DAB1: variants seen among roughly 807,000 people sequenced by gnomAD.
DAB1 encodes disabled homolog 1.
In DAB1, 15 loss-of-function variants were observed where a neutral mutation model predicts 64.6. That is an observed-to-expected ratio of 0.23 (90% CI 0.16 to 0.36). The LOEUF (loss-of-function observed/expected upper bound fraction) is 0.36. DAB1 is among the 10% of genes least tolerant of loss of function. The pLI, the probability that DAB1 is intolerant of heterozygous loss-of-function variation, is 1.00. For synonymous variants in DAB1, 235 were observed against 251.9 expected, an observed-to-expected ratio of 0.93 and a Z score of 0.64; for missense variants, 596 against 706.7, an observed-to-expected ratio of 0.84 and a Z score of 1.78.
intron 7 of DAB1, among the ~76,000 whole-genome samples, chr1:57,544,096 G>C (rs1412230680): frequency 6.6e-6 from 1 of 152,184 alleles, no homozygotes; most frequent in Non-Finnish European, 1.5e-5. Flanking sequence ...CTGGGCAACA[G>C]AGCAAGACTT....
chr1:57,071,462 T>G (rs1651451290), intron 6 of DAB1, 60 bp downstream of exon 6: 1 of 1,574,548 alleles, frequency 6.4e-7, no homozygotes, highest in African/African-American at 1.4e-5. Context: ...GACTGTCAGT[T>G]TTTACATGTG....
intron 5 of DAB1, among the ~76,000 whole-genome samples, chr1:57,987,233 A>G (rs1646240662): frequency 1.3e-5 from 2 of 152,210 alleles, no homozygotes; most frequent in Admixed American, 1.3e-4. Flanking sequence ...AGCTCCCTGC[A>G]CAGCATCAGC....
chr1:57,256,013 A>G (rs773155338), intron 2 of DAB1, among the ~76,000 whole-genome samples: 3 of 152,188 alleles, frequency 2.0e-5, no homozygotes, highest in Non-Finnish European at 2.9e-5. Context: ...ATTCCACAAA[A>G]ATCAAGGAAC....
chr1:57,457,276 C>A (rs576287895), intron 7 of DAB1, among the ~76,000 whole-genome samples: 1 of 152,118 alleles, frequency 6.6e-6, no homozygotes, highest in Non-Finnish European at 1.5e-5. Context: ...GTGCACCAAC[C>A]TGTCATCTAG....
intron 5 of DAB1, among the ~76,000 whole-genome samples, chr1:58,016,644 C>T (rs2802896): frequency 0.62 from 94,080 of 151,872 alleles, 29,800 homozygotes; most frequent in East Asian, 0.98. Context: ...TCACCTTGAG[C>T]TGCTCAAACT....
intron 6 of DAB1, among the ~76,000 whole-genome samples, chr1:57,712,315 C>T (rs1246249413): frequency 6.6e-6 from 1 of 152,116 alleles, no homozygotes; most frequent in Admixed American, 6.5e-5. Flanking sequence ...TAATTTTATT[C>T]CAAATAGCTA....
At chr1:57,355,918 AC>A (rs1230283995) in intron 1 of DAB1, among the ~76,000 whole-genome samples, 1 of 147,568 alleles carries the variant, frequency 6.8e-6, no homozygotes, top group African/African-American at 2.5e-5. Flanking sequence ...ACACACACAC[AC>A]AAAATGTCCT....
At chr1:57,515,063 G>T (rs1297927869) in intron 7 of DAB1, among the ~76,000 whole-genome samples, 1 of 151,582 alleles carries the variant, frequency 6.6e-6, no homozygotes, top group Non-Finnish European at 1.5e-5. Flanking sequence ...TCTCTCTTTA[G>T]GCACCTAGAA....
chr1:57,998,697 T>G (rs147076586), intron 5 of DAB1, among the ~76,000 whole-genome samples: 3,016 of 152,178 alleles, frequency 0.02, 69 homozygotes, highest in African/African-American at 0.049. Context: ...CTTTCTAGAG[T>G]AGTTTGAGGA....
At chr1:57,358,852 A>C (rs1418765005) in intron 1 of DAB1, among the ~76,000 whole-genome samples, 1 of 152,102 alleles carries the variant, frequency 6.6e-6, no homozygotes, top group Non-Finnish European at 1.5e-5. Flanking sequence ...CTTTTCAACA[A>C]AGAAGCCAAG....
chr1:58,455,790 A>T (rs1426599118), intron 3 of DAB1, among the ~76,000 whole-genome samples: 1 of 152,212 alleles, frequency 6.6e-6, no homozygotes, highest in Non-Finnish European at 1.5e-5. Flanking sequence ...GTTGATTCTG[A>T]TTCTGTGGTT....
At chr1:57,200,720 CTTGTAA>C (rs1665023637) in intron 2 of DAB1, among the ~76,000 whole-genome samples, 1 of 152,300 alleles carries the variant, frequency 6.6e-6, no homozygotes, top group South Asian at 2.1e-4. Flanking sequence ...AGTGATTTCA[CTTGTAA>C]TTTTGCAAGT....
At chr1:57,555,011 T>C (rs2101487745) in intron 7 of DAB1, among the ~76,000 whole-genome samples, 1 of 147,726 alleles carries the variant, frequency 6.8e-6, no homozygotes, top group African/African-American at 2.5e-5. Flanking sequence ...GAGCTCTCAA[T>C]CTTCGGTATC....
chr1:57,732,128 A>C (rs1570776847), intron 6 of DAB1, among the ~76,000 whole-genome samples: 1 of 152,316 alleles, frequency 6.6e-6, no homozygotes, highest in African/African-American at 2.4e-5. Flanking sequence ...TGGGAAGAAC[A>C]GTGGTGGTGG....
At chr1:57,916,289 A>G (rs539339844) in intron 5 of DAB1, among the ~76,000 whole-genome samples, 7 of 152,284 alleles carry the variant, frequency 4.6e-5, no homozygotes, top group African/African-American at 1.7e-4. Context: ...TGAAATTACC[A>G]TAAAGAACTT....
intron 5 of DAB1, among the ~76,000 whole-genome samples, chr1:58,118,514 A>ACG (rs1652509407): frequency 1.6e-5 from 2 of 122,030 alleles, no homozygotes; most frequent in Non-Finnish European, 3.3e-5. Context: ...ACACACACAC[A>ACG]CACACACATA....
chr1:57,703,317 A>G (rs1006635385), intron 6 of DAB1, among the ~76,000 whole-genome samples: 1 of 152,210 alleles, frequency 6.6e-6, no homozygotes, highest in African/African-American at 2.4e-5. Context: ...TCCAGCATTT[A>G]TAAGAAAATT....
intron 3 of DAB1, among the ~76,000 whole-genome samples, chr1:58,454,157 T>C (rs953039295): frequency 9.9e-5 from 15 of 152,190 alleles, no homozygotes; most frequent in Middle Eastern, 3.4e-3. Flanking sequence ...CAATTAGCAA[T>C]TGGATAAAGA....
chr1:58,300,610 A>AAGAAAGAAAGAG (rs1271283598), intron 4 of DAB1, among the ~76,000 whole-genome samples: 2 of 47,006 alleles, frequency 4.3e-5, no homozygotes, highest in Non-Finnish European at 9.5e-5. Context: ...GAAAGAAAGA[A>AAGAAAGAAAGAG]AGAGAGAGAG....
Sources: allele counts gnomAD v4.1 joint callset (sites outside exome capture counted in the v4.1 genomes callset), GRCh38; gene constraint gnomAD v4.1.1; transcripts MANE v1.5; gene names NCBI Gene and HGNC (gene_info 2026-07-23, HGNC 2026-07-21).